The following KIFC3 variants were observed in gnomAD, a reference collection of about 807,000 sequenced individuals.
KIFC3 encodes the protein kinesin family member C3, also known as kinesin-like protein KIFC3.
A neutral mutation model predicts 101.8 loss-of-function variants in KIFC3; 60 were observed. The observed-to-expected ratio is 0.59, with a 90% CI of 0.48 to 0.73. The LOEUF (loss-of-function observed/expected upper bound fraction) is 0.73. Ranked by LOEUF, KIFC3 falls within the 30% of genes least tolerant of loss-of-function variation. KIFC3 has a pLI of 0.00. For missense variants in KIFC3, 966 were observed against 1,137.1 expected (o/e 0.85, Z 2.16); for synonymous variants, 476 against 482.7 (o/e 0.99, Z 0.18).
chr16:57,800,724 G>GA (rs2054668457), intron 1 of KIFC3, among the ~76,000 whole-genome samples: 4 of 152,172 alleles, frequency 2.6e-5, no homozygotes, highest in African/African-American at 9.7e-5. Flanking sequence ...GCTAGATCCC[G>GA]AAGAGGAAAA....
chr16:57,851,771 G>A (rs1451785321), intron 1 of KIFC3, among the ~76,000 whole-genome samples: 4 of 150,248 alleles, frequency 2.7e-5, no homozygotes, highest in South Asian at 4.2e-4. Flanking sequence ...TGGTAGTCTC[G>A]CACTGTCGCC....
rs781784388 is a variant in KIFC3, at chr16:57,798,118, C to T, written c.126G>A (p.Pro42=). Residue 42 remains proline (P), a synonymous_variant, in exon 2 of 20, where the codon CCG becomes CCA. Coordinates refer to ENST00000445690, the MANE Select transcript of KIFC3 (RefSeq NM_001130100.2). ...MARPAPAPAS[P]AARPFPHTGP... ...CGGTGTGTGGGAAAGGGCGGGCGGC[C>T]GGGCTGGCTGGGGCTGGGGCGGGGC... 1 of 1,577,422 alleles carries T rather than the reference C, an allele frequency of 6.3e-7. No individual in the cohort carries two copies. Among genetic ancestry groups the T allele is most frequent in the Non-Finnish European group, 8.6e-7 (1 of 1,162,096 alleles).
chr16:57,811,021 C>T (rs1190243493), intron 1 of KIFC3, among the ~76,000 whole-genome samples: 1 of 152,206 alleles, frequency 6.6e-6, no homozygotes, highest in African/African-American at 2.4e-5. Flanking sequence ...CTCAGGGCTA[C>T]AGCCACAAGG....
Position 57,835,241 on chromosome 16 carries a change from T to C in KIFC3, c.108+27488A>G, listed in dbSNP as rs528038990. On this transcript the variant is annotated intron_variant, in intron 1 of 2. Transcript: ENST00000563028. Reference sequence around the variant, plus strand: ...TGGCAACAGAAACTACCAAACGACTTATTTTAAAAACAAAACAAAATGGAA... The same window carrying C: ...TGGCAACAGAAACTACCAAACGACTCATTTTAAAAACAAAACAAAATGGAA... Among the ~76,000 whole-genome samples, 4 of 152,286 alleles carry C rather than the reference T, an allele frequency of 2.6e-5. No homozygotes were observed. In the East Asian group the frequency reaches 7.7e-4, roughly 29 times the overall value.
intron 11 of KIFC3, 115 bp from the exon 12 acceptor site, chr16:57,764,362 G>A (rs556721569): frequency 1.4e-4 from 89 of 642,644 alleles, no homozygotes; most frequent in Middle Eastern, 4.1e-4. Flanking sequence ...ACCACATCAC[G>A]TGTTACTGCA....
Position 57,857,710 on chromosome 16 carries a change from T to A in KIFC3, c.108+5019A>T, listed in dbSNP as rs145259100. Among the ~76,000 whole-genome samples, 160 of 152,184 alleles carry A rather than the reference T, an allele frequency of 1.1e-3. 1 individual carries two copies. In the East Asian group the frequency reaches 0.03, roughly 29 times the overall value. On this transcript the variant is annotated intron_variant, in intron 1 of 2. Transcript: ENST00000563028. ...TGGTTTCCAGCTTCATCCATGTCCC[T>A]GCAAAGGACATGAATTCATCCTTTT...
Position 57,794,562 on chromosome 16 carries a change from C to A in KIFC3, c.315+437G>T, listed in dbSNP as rs141267201. Reference sequence around the variant, plus strand: ...TTTTAAAGTCACTTGGTGATAACTGCAAGGGAGAAGACCCCAAGTTTTAGT... The same window carrying A: ...TTTTAAAGTCACTTGGTGATAACTGAAAGGGAGAAGACCCCAAGTTTTAGT... On this transcript the variant is annotated intron_variant, in intron 3 of 19. Coordinates refer to ENST00000445690, the MANE Select transcript of KIFC3 (RefSeq NM_001130100.2). Among the ~76,000 whole-genome samples the A allele has an allele frequency of 4.7e-3, 723 of 152,284 alleles. 6 individuals are homozygous for A. The highest frequency in any genetic ancestry group is 0.017 in the African/African-American group (706 of 41,536).
At chr16:57,849,153 C>T (rs1195683685) in intron 1 of KIFC3, among the ~76,000 whole-genome samples, 1 of 152,142 alleles carries the variant, frequency 6.6e-6, no homozygotes, top group Non-Finnish European at 1.5e-5. Context: ...CTCTACTCGT[C>T]TAAATTTAAG....
intron 1 of KIFC3, chr16:57,815,527 T>C (rs1555628602): frequency 1.6e-6 from 2 of 1,283,764 alleles, no homozygotes; most frequent in Non-Finnish European, 2.0e-6. Flanking sequence ...CTGGCCTGAC[T>C]CTTCTACCAG....
At chr16:57,861,204 G>T (rs1045702189) in intron 1 of KIFC3, among the ~76,000 whole-genome samples, 1 of 152,152 alleles carries the variant, frequency 6.6e-6, no homozygotes, top group African/African-American at 2.4e-5. Flanking sequence ...AACTAAGAAT[G>T]CATTTTGTTC....
At chr16:57,820,552 T>C (rs1167258924) in intron 1 of KIFC3, among the ~76,000 whole-genome samples, 1 of 152,196 alleles carries the variant, frequency 6.6e-6, no homozygotes, top group Non-Finnish European at 1.5e-5. Context: ...GTGCTGGCAT[T>C]ATGGGTGTGA....
At chr16:57,784,363 A>C (rs1598064612) in intron 3 of KIFC3, among the ~76,000 whole-genome samples, 1 of 152,194 alleles carries the variant, frequency 6.6e-6, no homozygotes, top group Non-Finnish European at 1.5e-5. Flanking sequence ...GGGTGCCCCA[A>C]GGAGCCCCAC....
At chr16:57,847,495 G>A (rs1433676738) in intron 1 of KIFC3, among the ~76,000 whole-genome samples, 2 of 152,116 alleles carry the variant, frequency 1.3e-5, no homozygotes, top group African/African-American at 2.4e-5. Flanking sequence ...ATTTATTGGT[G>A]TGGGGAAGAA....
chr16:57,807,140 C>A (rs190872866), upstream of KIFC3, among the ~76,000 whole-genome samples: 92 of 152,140 alleles, frequency 6.0e-4, 1 homozygote, highest in Non-Finnish European at 4.7e-4. Context: ...TTGCTTGAAC[C>A]CAGGAGGTGG....
intron 17 of KIFC3, 57 bp downstream of exon 17, chr16:57,760,225 T>C (rs2049675181): frequency 1.3e-6 from 2 of 1,566,626 alleles, no homozygotes; most frequent in Non-Finnish European, 8.7e-7. Context: ...GCTCCTGCCA[T>C]GACCCAAAGT....
At position 57,761,092 on chromosome 16, in the gene KIFC3, AGCAG is replaced by A; in HGVS notation, c.1948_1951del (p.Leu650SerfsTer3). 6.2e-7 allele frequency: 1 copy of A among 1,613,780 alleles called. No homozygotes were observed. The highest frequency in any genetic ancestry group is 8.5e-7 in the Non-Finnish European group (1 of 1,179,898). On this transcript the variant is annotated frameshift_variant, in exon 15 of 20. Transcript: ENST00000445690. LOFTEE classifies it high-confidence loss of function. ...GTCCACGCCTCGCACCGTCACGATG[AGCAG>A]CGCGTGCGAGCGGGAGCTGTGCTCG...
intron 1 of KIFC3, 58 bp from the exon 2 acceptor site, chr16:57,798,340 T>G (rs1203625085): frequency 8.2e-6 from 12 of 1,459,642 alleles, no homozygotes; most frequent in Non-Finnish European, 1.1e-5. Flanking sequence ...CAACTGCACC[T>G]CGGGCAGAGC....
chr16:57,794,671 T>C (rs573946026), intron 3 of KIFC3, among the ~76,000 whole-genome samples: 20 of 152,278 alleles, frequency 1.3e-4, no homozygotes, highest in Non-Finnish European at 2.5e-4. Context: ...CATAACCATG[T>C]TTCAGAATAA....
intron 1 of KIFC3, among the ~76,000 whole-genome samples, chr16:57,852,754 G>A (rs2056083117): frequency 2.3e-5 from 1 of 44,136 alleles, no homozygotes; most frequent in African/African-American, 6.6e-5. Flanking sequence ...TGTTCTGTAA[G>A]CTCCCGTGAG....
Sources: gnomAD v4.1 joint callset for allele counts (sites outside exome capture counted in the v4.1 genomes callset) on GRCh38, gnomAD v4.1.1 for gene constraint, MANE v1.5 for transcripts, NCBI Gene and HGNC (gene_info 2026-07-23, HGNC 2026-07-21) for gene names.